Variants in SPAG1 observed in about 807,000 individuals in gnomAD.
SPAG1 encodes sperm-associated antigen 1.
A neutral mutation model predicts 100.5 loss-of-function variants in SPAG1; 69 were observed. The ratio of observed to expected loss-of-function variants is 0.69; its 90% CI spans 0.57 to 0.84. The LOEUF is 0.84. Ranked by LOEUF, SPAG1 falls within the 40% of genes least tolerant of loss-of-function variation. The pLI is 0.00. For synonymous variants in SPAG1, 336 were observed against 411.6 expected (o/e 0.82, Z 2.22); for missense variants, 955 against 1,133.1 (o/e 0.84, Z 2.26).
At chr8:100,228,719 G>GTAT (rs2132414492) in intron 14 of SPAG1, among the ~76,000 whole-genome samples, 1 of 151,392 alleles carries the variant, frequency 6.6e-6, no homozygotes, top group South Asian at 2.1e-4. Context: ...TCTCAAAAAA[G>GTAT]AATAATAATA....
chr8:100,212,238 C>G (rs1202427407), intron 10 of SPAG1, among the ~76,000 whole-genome samples: 1 of 152,056 alleles, frequency 6.6e-6, no homozygotes, highest in Non-Finnish European at 1.5e-5. Flanking sequence ...TGCTTAAAAT[C>G]TTGGCTTTAC....
chr8:100,208,363 C>T (rs1310469558), intron 10 of SPAG1, among the ~76,000 whole-genome samples: 1 of 152,106 alleles, frequency 6.6e-6, no homozygotes, highest in Non-Finnish European at 1.5e-5. Context: ...TCCATGAGGG[C>T]GTGTCTTAGT....
At chr8:100,230,300 G>T (rs1464843972) in intron 14 of SPAG1, among the ~76,000 whole-genome samples, 2 of 152,212 alleles carry the variant, frequency 1.3e-5, no homozygotes, top group African/African-American at 2.4e-5. Context: ...AAACACTGTG[G>T]ATATTTGTAT....
intron 8 of SPAG1, among the ~76,000 whole-genome samples, chr8:100,189,432 A>T (rs1003481596): frequency 6.6e-6 from 1 of 152,084 alleles, no homozygotes; most frequent in Non-Finnish European, 1.5e-5. Context: ...AGCTGAGATC[A>T]CGCCACTGCA....
Position 100,231,198 on chromosome 8 carries a change from G to A in SPAG1, c.1898G>A (p.Cys633Tyr), listed in dbSNP as rs1818753657. ...FKALKEEGNQ[C>Y]VNDKNYKDAL... ...GCCCTTAAGGAAGAAGGAAATCAATGTGTAAATGACAAAAACTATAAAGAC... is the reference window on the plus strand; with the variant it reads ...GCCCTTAAGGAAGAAGGAAATCAATATGTAAATGACAAAAACTATAAAGAC... The change falls in exon 15 of 19, where the codon TGT becomes TAT. Residue 633 changes from cysteine (C) to tyrosine (Y), a missense_variant. Transcript: ENST00000388798. The A allele has an allele frequency of 6.2e-7, 1 of 1,607,862 alleles. No homozygotes were observed.
intron 3 of SPAG1, among the ~76,000 whole-genome samples, chr8:100,174,970 C>CTTTTTTTTTTTTTTTTT (rs71274961): frequency 7.3e-6 from 1 of 136,348 alleles, no homozygotes; most frequent in African/African-American, 2.7e-5. Flanking sequence ...TATTTCATGG[C>CTTTTTTTTTTTTTTTTT]TTTTTTTTTT....
chr8:100,161,554 T>C (rs1278007377), intron 1 of SPAG1, among the ~76,000 whole-genome samples: 3 of 151,492 alleles, frequency 2.0e-5, no homozygotes, highest in East Asian at 3.9e-4. Context: ...CCTTAAAGCA[T>C]GACAAAATAG....
Position 100,220,320 on chromosome 8 carries a change from G to T in SPAG1, c.1577G>T (p.Arg526Met). Residue 526 changes from arginine (R) to methionine (M), a missense_variant, in exon 13 of 19, where the codon AGG becomes ATG. Arg to Met is a moderately conservative substitution (Grantham distance 91). Coordinates refer to ENST00000388798, the MANE Select transcript of SPAG1 (RefSeq NM_003114.5). The part of the protein sequence containing the change: ...LHPFSMKPLL[R>M]RAMAYETLEQ... ...CCATTCTCTATGAAACCTCTTCTGA[G>T]GCGGGCGATGGCCTATGAAACTCTA... The T allele has an allele frequency of 6.2e-7, 1 of 1,614,074 alleles. No homozygotes were observed. Among genetic ancestry groups the T allele is most frequent in the Non-Finnish European group, 8.5e-7 (1 of 1,179,980 alleles).
intron 9 of SPAG1, among the ~76,000 whole-genome samples, chr8:100,192,550 T>G (rs1160894383): frequency 1.3e-5 from 2 of 152,170 alleles, no homozygotes; most frequent in Non-Finnish European, 2.9e-5. Context: ...GGCAGTATAG[T>G]CAGAAATAAG....
intron 15 of SPAG1, among the ~76,000 whole-genome samples, chr8:100,232,702 A>G (rs1278278082): frequency 6.6e-6 from 1 of 152,140 alleles, no homozygotes; most frequent in Non-Finnish European, 1.5e-5. Flanking sequence ...TCATTCTCCA[A>G]GCTGTAGCCA....
At chr8:100,191,927 C>T (rs866957122) in intron 9 of SPAG1, among the ~76,000 whole-genome samples, 4 of 152,026 alleles carry the variant, frequency 2.6e-5, no homozygotes, top group African/African-American at 7.3e-5. Context: ...TCTGTATTCA[C>T]GCCTAAAGAG....
intron 10 of SPAG1, 87 bp from the exon 11 acceptor site, chr8:100,213,003 G>C: frequency 1.7e-6 from 1 of 604,024 alleles, no homozygotes; most frequent in Non-Finnish European, 2.3e-6. Flanking sequence ...CGCCCTCCGC[G>C]TCCTGCACCC....
rs1423485751 is a variant in SPAG1 at position 100,239,799 on chromosome 8, A to C, written c.2280+395A>C. Among the ~76,000 whole-genome samples the C allele has an allele frequency of 3.9e-5, 6 of 152,364 alleles. No homozygotes were observed. The East Asian group carries it at 9.6e-4, about 24-fold the overall frequency. On this transcript the variant is annotated intron_variant, in intron 17 of 18. Transcript: ENST00000388798. The surrounding 1 kb of genome is among the most constrained non-coding windows in gnomAD (Gnocchi z 5.0). ...TCATAGAGATTATCCAGATTGATTC[A>C]GACCTTTTTAGCACTCTGAAATATG...
chr8:100,168,757 A>G (rs1815689005), intron 3 of SPAG1, among the ~76,000 whole-genome samples: 1 of 143,850 alleles, frequency 7.0e-6, no homozygotes, highest in Non-Finnish European at 1.5e-5. Context: ...ACACAGTCTC[A>G]GCTCATTGCA....
At chr8:100,229,141 C>T (rs1053498396) in intron 14 of SPAG1, among the ~76,000 whole-genome samples, 2 of 151,646 alleles carry the variant, frequency 1.3e-5, no homozygotes, top group Admixed American at 1.3e-4. Flanking sequence ...GGCGTGGTGG[C>T]TCACGCCTGT....
intron 13 of SPAG1, among the ~76,000 whole-genome samples, chr8:100,223,952 A>G (rs1349558080): frequency 6.6e-6 from 1 of 152,196 alleles, no homozygotes; most frequent in Non-Finnish European, 1.5e-5. Context: ...ATATATAAAT[A>G]TAAAAGTTTT....
chr8:100,191,953 A>T (rs1024958680), intron 9 of SPAG1, among the ~76,000 whole-genome samples: 1 of 152,144 alleles, frequency 6.6e-6, no homozygotes, highest in Non-Finnish European at 1.5e-5. Flanking sequence ...GTAAGTGTCA[A>T]GAACTGAGAT....
At chr8:100,205,139 C>T (rs1490193977) in intron 10 of SPAG1, among the ~76,000 whole-genome samples, 1 of 152,186 alleles carries the variant, frequency 6.6e-6, no homozygotes, top group African/African-American at 2.4e-5. Context: ...CATGGCTTTT[C>T]AATTAATTTC....
intron 7 of SPAG1, chr8:100,185,072 T>C (rs1192787474): frequency 4.5e-6 from 1 of 219,904 alleles, no homozygotes; most frequent in East Asian, 1.7e-4. Flanking sequence ...TCTAGTACTT[T>C]GGTGCTCCTT....
Sources: allele counts gnomAD v4.1 joint callset (sites outside exome capture counted in the v4.1 genomes callset), GRCh38; gene constraint gnomAD v4.1.1; non-coding constraint Gnocchi (gnomAD v3.1); transcripts MANE v1.5; gene names NCBI Gene and HGNC (gene_info 2026-07-23, HGNC 2026-07-21).